Variants in STARD13 observed in about 807,000 individuals in gnomAD.
STARD13 encodes StAR related lipid transfer domain containing 13.
A neutral mutation model predicts 106.4 loss-of-function variants in STARD13; 62 were observed. The observed-to-expected ratio is 0.58, with a 90% CI of 0.48 to 0.72. The LOEUF (loss-of-function observed/expected upper bound fraction) is 0.72. STARD13 is among the 30% of genes least tolerant of loss of function. The probability of loss-of-function intolerance (pLI) is 0.00; values close to 1 mark genes in which losing one functional copy is unlikely to be tolerated. For synonymous variants in STARD13, 565 were observed against 553.0 expected, an observed-to-expected ratio of 1.02 and a Z score of -0.31; for missense variants, 1,387 against 1,424.0, an observed-to-expected ratio of 0.97 and a Z score of 0.42.
At chr13:33,391,929 T>G in the STARD13 span, among the ~76,000 whole-genome samples, 2 of 152,156 alleles carry the variant, frequency 1.3e-5, no homozygotes, top group African/African-American at 4.8e-5. Flanking sequence ...GTGAAATGAC[T>G]GCCTTTTGGA....
chr13:33,141,481 A>G (rs1051608627), intron 4 of STARD13, among the ~76,000 whole-genome samples: 1 of 152,224 alleles, frequency 6.6e-6, no homozygotes, highest in Non-Finnish European at 1.5e-5. Context: ...CTTATCCATA[A>G]AGAGGAAGCA....
At chr13:33,219,333 C>T (rs773257594) in intron 1 of STARD13, among the ~76,000 whole-genome samples, 2 of 151,760 alleles carry the variant, frequency 1.3e-5, no homozygotes, top group East Asian at 1.9e-4. Context: ...ACCATCTCAG[C>T]GCCTCCTTAG....
Position 33,134,021 on chromosome 13 carries a change from A to G in STARD13, c.388-3732T>C, listed in dbSNP as rs765567078. 7.0e-4 allele frequency among the ~76,000 whole-genome samples: 107 copies of G among 152,330 alleles called. 2 individuals carry two copies. Among genetic ancestry groups the G allele is most frequent in the Non-Finnish European group, 3.8e-4 (26 of 68,034 alleles). Reference sequence around the variant, plus strand: ...TAAAATGGAAATCTCTAGGAGTCAGATGTGTTTATAAAGAAAAGGATACAT... The same window carrying G: ...TAAAATGGAAATCTCTAGGAGTCAGGTGTGTTTATAAAGAAAAGGATACAT... On this transcript the variant is annotated intron_variant, in intron 4 of 13. Transcript: ENST00000336934.
In STARD13 at chr13:33,243,493, G is replaced by C. The variant is rs964379170; in HGVS notation, c.169+41977C>G. Among the ~76,000 whole-genome samples the C allele has an allele frequency of 2.6e-5, 4 of 152,166 alleles. No individual in the cohort carries two copies. The East Asian group carries it at 7.7e-4, about 29-fold the overall frequency. ...GAAGGGCCTCTTATGCCACCTTAAG[G>C]AGTTCAGATTTTAATCCTATGGGTC... On this transcript the variant is annotated intron_variant, in intron 1 of 13. Transcript: ENST00000336934.
chr13:33,648,120 A>G, the STARD13 span, among the ~76,000 whole-genome samples: 328 of 152,358 alleles, frequency 2.2e-3, 2 homozygotes, highest in African/African-American at 7.5e-3. Flanking sequence ...ACAAGCCTAC[A>G]TGACAAACAA....
At chr13:33,548,791 C>G in the STARD13 span, among the ~76,000 whole-genome samples, 5 of 151,460 alleles carry the variant, frequency 3.3e-5, no homozygotes, top group Admixed American at 6.6e-5. Flanking sequence ...TATAGTATGC[C>G]TAAAGAATTT....
chr13:33,342,236 T>A (rs1001097195), intron 1 of STARD13, among the ~76,000 whole-genome samples: 1 of 152,214 alleles, frequency 6.6e-6, no homozygotes. Flanking sequence ...ATGCACAGCC[T>A]TTCCTAAGAG....
At chr13:33,601,237 CCAG>C in the STARD13 span, among the ~76,000 whole-genome samples, 6 of 150,112 alleles carry the variant, frequency 4.0e-5, no homozygotes, top group African/African-American at 1.5e-4. Flanking sequence ...TCTGCTGTGG[CCAG>C]CAGACCTTGA....
the STARD13 span, among the ~76,000 whole-genome samples, chr13:33,456,850 T>C: frequency 6.6e-6 from 1 of 152,186 alleles, no homozygotes. Flanking sequence ...ATTGTGAGAA[T>C]GGACTAAGAT....
the STARD13 span, chr13:33,511,247 AG>A: frequency 6.6e-6 from 1 of 152,188 alleles, no homozygotes; most frequent in East Asian, 1.9e-4. Context: ...TGGGGGGTGG[AG>A]GTTGCAGTGA....
chr13:33,589,889 G>A, the STARD13 span, among the ~76,000 whole-genome samples: 1 of 152,118 alleles, frequency 6.6e-6, no homozygotes, highest in Non-Finnish European at 1.5e-5. Flanking sequence ...GTCTAATGTT[G>A]ACAGTGGGGT....
At chr13:33,552,429 T>A in the STARD13 span, among the ~76,000 whole-genome samples, 5 of 152,188 alleles carry the variant, frequency 3.3e-5, no homozygotes, top group Non-Finnish European at 5.9e-5. Context: ...TAAAATCACA[T>A]AAAGTACGTT....
intron 1 of STARD13, among the ~76,000 whole-genome samples, chr13:33,314,437 GT>G (rs1294263980): frequency 9.8e-5 from 15 of 152,308 alleles, no homozygotes; most frequent in Non-Finnish European, 1.2e-4. Flanking sequence ...ATGCTTAGAT[GT>G]GTTATCAGGA....
At chr13:33,670,460 A>C in the STARD13 span, among the ~76,000 whole-genome samples, 5 of 152,314 alleles carry the variant, frequency 3.3e-5, no homozygotes, top group Non-Finnish European at 5.9e-5. Context: ...GTCTTATTTC[A>C]CAAGTACAAA....
At chr13:33,181,025 C>T (rs1885178016) in intron 1 of STARD13, among the ~76,000 whole-genome samples, 1 of 151,998 alleles carries the variant, frequency 6.6e-6, no homozygotes, top group African/African-American at 2.4e-5. Context: ...CCTGGGAAAC[C>T]CTTTGTATGC....
At chr13:33,663,044 C>A in the STARD13 span, among the ~76,000 whole-genome samples, 9 of 152,136 alleles carry the variant, frequency 5.9e-5, no homozygotes, top group Admixed American at 6.5e-5. Context: ...ATTGATGCAA[C>A]CTTTCTAGAA....
the STARD13 span, among the ~76,000 whole-genome samples, chr13:33,648,123 A>G: frequency 3.9e-5 from 6 of 152,342 alleles, no homozygotes; most frequent in East Asian, 7.7e-4. Flanking sequence ...AGCCTACATG[A>G]CAAACAAGTA....
chr13:33,237,301 C>A (rs895807820), intron 1 of STARD13, among the ~76,000 whole-genome samples: 4 of 152,170 alleles, frequency 2.6e-5, no homozygotes, highest in Admixed American at 6.6e-5. Context: ...ATGTTGTAAT[C>A]CCTGTTTTTC....
chr13:33,538,610 T>TA, the STARD13 span, among the ~76,000 whole-genome samples: 2 of 149,784 alleles, frequency 1.3e-5, no homozygotes, highest in East Asian at 3.9e-4. Flanking sequence ...TTCCATAAAG[T>TA]AAAAAACACC....
Sources: gnomAD v4.1 joint callset for allele counts (sites outside exome capture counted in the v4.1 genomes callset) on GRCh38, gnomAD v4.1.1 for gene constraint, MANE v1.5 for transcripts, NCBI Gene and HGNC (gene_info 2026-07-23, HGNC 2026-07-21) for gene names.